The following BTBD2 variants were observed in gnomAD, a reference collection of about 807,000 sequenced individuals.
BTBD2 encodes the protein BTB/POZ domain-containing protein 2.
BTBD2 carries 15 observed loss-of-function variants against 44.0 expected under a neutral mutation model. The ratio of observed to expected loss-of-function variants is 0.34; its 90% confidence interval spans 0.23 to 0.53. BTBD2 has a LOEUF of 0.53. Ranked by LOEUF, BTBD2 falls within the 20% of genes least tolerant of loss-of-function variation. The pLI, the probability that BTBD2 is intolerant of heterozygous loss-of-function variation, is 0.95. For missense variants in BTBD2, 657 were observed against 746.4 expected, an observed-to-expected ratio of 0.88 and a Z score of 1.39; for synonymous variants, 443 against 335.9, an observed-to-expected ratio of 1.32 and a Z score of -3.49.
intron 1 of BTBD2, among the ~76,000 whole-genome samples, chr19:1,998,655 T>G (rs1292938411): frequency 1.3e-5 from 2 of 151,552 alleles, no homozygotes; most frequent in African/African-American, 4.9e-5. Flanking sequence ...CTGTATGGGG[T>G]GGGGAGAACT....
At chr19:1,991,205 A>T in intron 3 of BTBD2, 1 of 197,170 alleles carries the variant, frequency 5.1e-6, no homozygotes, top group Non-Finnish European at 1.1e-5. Flanking sequence ...CGACCGGTGA[A>T]GCTTCCCGAC....
At chr19:1,986,770 C>A in intron 8 of BTBD2, 60 bp downstream of exon 8, 1 of 1,570,786 alleles carries the variant, frequency 6.4e-7, no homozygotes, top group Non-Finnish European at 8.6e-7. Context: ...TGCTGTGCCC[C>A]GGTGGCTTCA....
At position 1,990,118 on chromosome 19, in the gene BTBD2, C is replaced by T; in HGVS notation, c.874G>A (p.Ala292Thr). 3 of 1,612,798 alleles carry T rather than the reference C, an allele frequency of 1.9e-6. No individual in the cohort carries two copies. Among genetic ancestry groups the T allele is most frequent in the Non-Finnish European group, 2.5e-6 (3 of 1,179,940 alleles). Residue 292 changes from alanine to threonine, a missense_variant, in exon 5 of 9, where the codon GCC becomes ACC. Ala to Thr is a moderately conservative substitution (Grantham distance 58, BLOSUM62 0). Coordinates refer to ENST00000255608, the MANE Select transcript of BTBD2 (RefSeq NM_017797.4). ...TGCAGCTGCTGCCGCTGACACTCGG[C>T]CTCGGACCAGCGGACAACGGCATTG... ...LFNAVVRWSE[A>T]ECQRQQLQVT...
Position 1,986,772 on chromosome 19 carries a change from G to T in BTBD2, c.1416+58C>A, listed in dbSNP as rs1023100097. ...TCTGGAGAGTGTGTGCTGTGCCCCG[G>T]TGGCTTCAGGATGGGCCAGAGACTC... On this transcript the variant is annotated intron_variant, in intron 8 of 8. Coordinates refer to ENST00000255608, the MANE Select transcript of BTBD2 (RefSeq NM_017797.4). 3 of 1,571,578 alleles carry T rather than the reference G, an allele frequency of 1.9e-6. No individual in the cohort carries two copies. The Admixed American group carries it at 5.2e-5, about 27-fold the overall frequency.
chr19:2,014,744 G>A (rs566308758), intron 1 of BTBD2: 197 of 157,472 alleles, frequency 1.3e-3, no homozygotes, highest in Non-Finnish European at 1.9e-3. Flanking sequence ...GAGTTGGAGG[G>A]TCCCAGGAAC....
intron 1 of BTBD2, among the ~76,000 whole-genome samples, chr19:2,009,201 T>A (rs1209467747): frequency 6.8e-5 from 3 of 44,126 alleles, no homozygotes; most frequent in East Asian, 2.1e-3. Flanking sequence ...GTGGTTTTTC[T>A]TTTTTCTTCT....
Position 2,015,488 on chromosome 19 carries a change from C to T in BTBD2, c.216G>A (p.Ala72=), listed in dbSNP as rs988523912. Residue 72 remains alanine (A), a synonymous_variant, in exon 1 of 9, where the codon GCG becomes GCA. Transcript: ENST00000255608. The part of the protein sequence containing the change: ...PPGPGTDAQA[A]GAERAEEAAG... ...CCGCCTCCTCCGCCCGCTCCGCGCC[C>T]GCGGCCTGCGCGTCTGTCCCGGGGC... The T allele has an allele frequency of 2.6e-6, 3 of 1,173,052 alleles. No homozygotes were observed. The highest frequency in any genetic ancestry group is 1.7e-5 in the African/African-American group (1 of 60,360). 72.7% of individuals were successfully genotyped at this position (1,173,052 alleles called of 1,614,324 possible).
At chr19:1,995,163 T>A (rs1371834945) in intron 2 of BTBD2, among the ~76,000 whole-genome samples, 1 of 151,992 alleles carries the variant, frequency 6.6e-6, no homozygotes, top group Non-Finnish European at 1.5e-5. Context: ...GATGGGGTTT[T>A]GCCTTGTTGC....
At position 1,986,428 on chromosome 19, in the gene BTBD2, A is replaced by C. The variant is rs1000658560; in HGVS notation, c.*60T>G. 1.3e-6 allele frequency: 2 copies of C among 1,594,944 alleles called. No individual in the cohort carries two copies. Among genetic ancestry groups the C allele is most frequent in the Non-Finnish European group, 8.6e-7 (1 of 1,166,668 alleles). ...CGTGGTGGGGGGGCCCCAGCAGCAGATGATGGCCTGGGGCTGCGGCTATCC... is the reference window on the plus strand; with the variant it reads ...CGTGGTGGGGGGGCCCCAGCAGCAGCTGATGGCCTGGGGCTGCGGCTATCC... On this transcript the variant is annotated 3_prime_UTR_variant, in exon 9 of 9. Coordinates refer to ENST00000255608, the MANE Select transcript of BTBD2 (RefSeq NM_017797.4).
At chr19:2,014,783 G>A in intron 1 of BTBD2, 1 of 164,268 alleles carries the variant, frequency 6.1e-6, no homozygotes, top group Non-Finnish European at 1.3e-5. Context: ...GGCTGGGTGG[G>A]TCCAGGGACG....
intron 2 of BTBD2, among the ~76,000 whole-genome samples, chr19:1,996,295 G>A (rs543527071): frequency 6.6e-6 from 1 of 152,126 alleles, no homozygotes; most frequent in East Asian, 1.9e-4. Context: ...GGTCCCTTGG[G>A]ATTCCATATG....
intron 5 of BTBD2, chr19:1,989,779 C>T (rs991638807): frequency 1.2e-5 from 7 of 583,526 alleles, no homozygotes; most frequent in Middle Eastern, 4.6e-4. Context: ...TGGACAGACA[C>T]GAGAGGCGGG....
Position 2,015,506 on chromosome 19 carries a change from C to G in BTBD2, c.198G>C (p.Gly66=). 1 of 1,007,290 alleles carries G rather than the reference C, an allele frequency of 9.9e-7. No individual in the cohort carries two copies. Among genetic ancestry groups the G allele is most frequent in the Non-Finnish European group, 1.2e-6 (1 of 847,174 alleles). The allele number at this position is 1,007,290 out of a possible 1,614,324, so 62.4% of individuals were successfully genotyped here. A position where few individuals can be genotyped will look rare whatever the true frequency, so the allele number is the denominator to read the frequency against. The change falls in exon 1 of 9, where the codon GGG becomes GGC. Residue 66 remains glycine (G), a synonymous_variant. Coordinates refer to ENST00000255608, the MANE Select transcript of BTBD2 (RefSeq NM_017797.4). Reference sequence around the variant, plus strand: ...CCGCGCCCGCGGCCTGCGCGTCTGTCCCGGGGCCCGGCGGGGCGGGCGGCG... The same window carrying G: ...CCGCGCCCGCGGCCTGCGCGTCTGTGCCGGGGCCCGGCGGGGCGGGCGGCG... ...GPTPPAPPGP[G]TDAQAAGAER... is the part of the protein sequence containing the mutation.
At chr19:1,998,193 C>A (rs958394994) in intron 1 of BTBD2, among the ~76,000 whole-genome samples, 1 of 152,258 alleles carries the variant, frequency 6.6e-6, no homozygotes, top group Non-Finnish European at 1.5e-5. Flanking sequence ...CACTCTCCTG[C>A]TCACGCATTC....
At chr19:2,006,138 G>GA (rs1285407974) in intron 1 of BTBD2, among the ~76,000 whole-genome samples, 1 of 151,544 alleles carries the variant, frequency 6.6e-6, no homozygotes, top group Non-Finnish European at 1.5e-5. Context: ...AGTCCAAGGG[G>GA]TCAATACTAG....
chr19:1,999,448 TTGAGCCCAGGAGTTTGAGACCAGCC>T (rs1440045660), intron 1 of BTBD2, among the ~76,000 whole-genome samples: 1 of 152,152 alleles, frequency 6.6e-6, no homozygotes, highest in Non-Finnish European at 1.5e-5. Context: ...GGAGGATCGC[TTGAGCCCAGGAGTTTGAGACCAGCC>T]TGGGCAACAT....
At chr19:1,994,974 T>G (rs948456799) in intron 2 of BTBD2, among the ~76,000 whole-genome samples, 3 of 152,124 alleles carry the variant, frequency 2.0e-5, no homozygotes, top group Non-Finnish European at 4.4e-5. Flanking sequence ...TTTTTCTTTT[T>G]TTGTTGTTGT....
At chr19:2,001,965 T>G (rs747806861) in intron 1 of BTBD2, among the ~76,000 whole-genome samples, 1 of 152,192 alleles carries the variant, frequency 6.6e-6, no homozygotes, top group Non-Finnish European at 1.5e-5. Flanking sequence ...GGCCTCGAAC[T>G]CCTGACGTCA....
At chr19:2,009,710 C>T (rs188835969) in intron 1 of BTBD2, among the ~76,000 whole-genome samples, 15 of 151,652 alleles carry the variant, frequency 9.9e-5, no homozygotes, top group African/African-American at 3.6e-4. Flanking sequence ...ATTAGCTGGG[C>T]GTGGTGGCGC....
Sources: allele counts gnomAD v4.1 joint callset (sites outside exome capture counted in the v4.1 genomes callset), GRCh38; gene constraint gnomAD v4.1.1; transcripts MANE v1.5; gene names NCBI Gene and HGNC (gene_info 2026-07-23, HGNC 2026-07-21).